RCAN1: variants seen among roughly 807,000 people sequenced by gnomAD.
The protein encoded by RCAN1 is regulator of calcineurin 1, also known as calcipressin-1.
In RCAN1, 11 loss-of-function variants were observed where a neutral mutation model predicts 22.9. The ratio of observed to expected loss-of-function variants is 0.48; its 90% confidence interval spans 0.30 to 0.79. RCAN1 has a LOEUF of 0.79. Ranked by LOEUF, RCAN1 falls within the 30% of genes least tolerant of loss-of-function variation. RCAN1 has a pLI of 0.06. For synonymous variants in RCAN1, 136 were observed against 142.3 expected (o/e 0.96, Z 0.32); for missense variants, 291 against 337.8 (o/e 0.86, Z 1.09).
intron 1 of RCAN1, among the ~76,000 whole-genome samples, chr21:34,549,708 C>T (rs8129311): frequency 0.23 from 34,450 of 152,122 alleles, 4,210 homozygotes; most frequent in African/African-American, 0.29. Context: ...AGGAGGAGGT[C>T]AGCAGCCTCA....
intron 1 of RCAN1, among the ~76,000 whole-genome samples, chr21:34,539,134 G>A (rs1043841574): frequency 3.9e-5 from 6 of 152,090 alleles, no homozygotes; most frequent in South Asian, 4.1e-4. Context: ...CTCAAATCCC[G>A]AATACTGACT....
intron 1 of RCAN1, among the ~76,000 whole-genome samples, chr21:34,535,883 A>C (rs1985645050): frequency 6.8e-6 from 1 of 148,122 alleles, no homozygotes; most frequent in African/African-American, 2.6e-5. Context: ...TAGAAACAAA[A>C]AAAAAATCCA....
intron 1 of RCAN1, among the ~76,000 whole-genome samples, chr21:34,601,381 G>A (rs1376260665): frequency 6.6e-6 from 1 of 152,210 alleles, no homozygotes; most frequent in African/African-American, 2.4e-5. Context: ...TAAGTGCAGA[G>A]AAGTTAAGTT....
At chr21:34,522,150 T>C (rs2123573888) in intron 2 of RCAN1, 1 of 149,460 alleles carries the variant, frequency 6.7e-6, no homozygotes, top group South Asian at 2.1e-4. Flanking sequence ...CAGCAGCAGC[T>C]CTGCACCTCC....
At chr21:34,578,702 G>A (rs2123694031) in intron 1 of RCAN1, among the ~76,000 whole-genome samples, 1 of 152,274 alleles carries the variant, frequency 6.6e-6, no homozygotes, top group South Asian at 2.1e-4. Flanking sequence ...TGAACTTTGT[G>A]GGTTCTCTAA....
chr21:34,559,489 T>A (rs1986711737), intron 1 of RCAN1: 1 of 152,168 alleles, frequency 6.6e-6, no homozygotes, highest in Admixed American at 6.5e-5. Flanking sequence ...GGTAATGGTC[T>A]AATAAGCCTA....
intron 1 of RCAN1, among the ~76,000 whole-genome samples, chr21:34,587,417 C>T (rs1233994567): frequency 6.6e-6 from 1 of 151,990 alleles, no homozygotes; most frequent in African/African-American, 2.4e-5. Flanking sequence ...AAAGGAGGGG[C>T]CCTTTCTACT....
At position 34,607,321 on chromosome 21, in the gene RCAN1, A is replaced by G. The variant is rs766067129; in HGVS notation, c.252+7439T>C. ...CTGAAGCTAAAAAGAAAAAAATCAGATTAGAAAAAAATCCTCTTTTTTTCC... is the reference window on the plus strand; with the variant it reads ...CTGAAGCTAAAAAGAAAAAAATCAGGTTAGAAAAAAATCCTCTTTTTTTCC... On this transcript the variant is annotated intron_variant, in intron 1 of 3. Coordinates refer to ENST00000313806, the MANE Select transcript of RCAN1 (RefSeq NM_004414.7). Among the ~76,000 whole-genome samples the G allele has an allele frequency of 3.3e-5, 5 of 152,278 alleles. No homozygotes were observed. In the South Asian group the frequency reaches 1.0e-3, roughly 32 times the overall value.
chr21:34,524,457 G>A (rs1984857622), intron 1 of RCAN1: 1 of 151,954 alleles, frequency 6.6e-6, no homozygotes. Context: ...TCAGGGCAGT[G>A]TTGCATATAT....
intron 1 of RCAN1, among the ~76,000 whole-genome samples, chr21:34,524,923 A>G (rs946168295): frequency 2.0e-5 from 3 of 152,124 alleles, no homozygotes; most frequent in Non-Finnish European, 2.9e-5. Context: ...TCCAAGGAAG[A>G]CTGCATGGGC....
intron 1 of RCAN1, among the ~76,000 whole-genome samples, chr21:34,558,224 C>A (rs1986655914): frequency 1.3e-5 from 2 of 152,182 alleles, no homozygotes; most frequent in African/African-American, 4.8e-5. Context: ...AGGTTCCCAT[C>A]ACCAAACCAC....
intron 1 of RCAN1, among the ~76,000 whole-genome samples, chr21:34,537,278 A>C (rs529623646): frequency 6.6e-6 from 1 of 152,368 alleles, no homozygotes; most frequent in South Asian, 2.1e-4. Context: ...AAATGTGGGC[A>C]CACATCTTTG....
intron 1 of RCAN1, among the ~76,000 whole-genome samples, chr21:34,599,518 G>C (rs1988266205): frequency 6.6e-6 from 1 of 152,164 alleles, no homozygotes; most frequent in African/African-American, 2.4e-5. Context: ...TCCACAACAT[G>C]TTAAAAAGCC....
intron 1 of RCAN1, among the ~76,000 whole-genome samples, chr21:34,552,013 CAGT>C (rs1164052980): frequency 6.6e-6 from 1 of 152,146 alleles, no homozygotes; most frequent in Non-Finnish European, 1.5e-5. Flanking sequence ...GTGGAAAGGC[CAGT>C]AGGACTCACG....
chr21:34,525,389 C>G, intron 1 of RCAN1: 1 of 1,446,984 alleles, frequency 6.9e-7, no homozygotes, highest in Non-Finnish European at 9.1e-7. Flanking sequence ...CGAAGGAACG[C>G]GGAGCTGGCG....
Position 34,588,071 on chromosome 21 carries a change from G to C in RCAN1, c.252+26689C>G, listed in dbSNP as rs576556904. Among the ~76,000 whole-genome samples, 7 of 152,266 alleles carry C rather than the reference G, an allele frequency of 4.6e-5. No homozygotes were observed. The South Asian group carries it at 1.5e-3, about 32-fold the overall frequency. ...TTTGGACTTGCCAGTCACTATAATT[G>C]TATGAGCCAATTTCTTAAAACAAAC... On this transcript the variant is annotated intron_variant, in intron 1 of 3. Transcript: ENST00000313806.
chr21:34,525,126 G>A (rs1275766455), intron 1 of RCAN1: 1 of 1,550,586 alleles, frequency 6.4e-7, no homozygotes, highest in East Asian at 2.4e-5. Context: ...CTCTGCAGTG[G>A]GAGCGAGGAT....
rs558833925 is a variant in RCAN1, at chr21:34,602,021, T to TGA, written c.252+12737_252+12738dup. On this transcript the variant is annotated intron_variant, in intron 1 of 3. Coordinates refer to ENST00000313806, the MANE Select transcript of RCAN1 (RefSeq NM_004414.7). Reference sequence around the variant, plus strand: ...GAAAAATAAGCAAAAAATTAAACATTGACCTAATATAAAACTGGTAACAAC... The same window carrying TGA: ...GAAAAATAAGCAAAAAATTAAACATTGAGACCTAATATAAAACTGGTAACAAC... Among the ~76,000 whole-genome samples, 10 of 152,124 alleles carry TGA rather than the reference T, an allele frequency of 6.6e-5. No homozygotes were observed. In the South Asian group the frequency reaches 1.9e-3, roughly 28 times the overall value.
intron 1 of RCAN1, among the ~76,000 whole-genome samples, chr21:34,565,082 T>A (rs1235477370): frequency 6.6e-6 from 1 of 152,052 alleles, no homozygotes; most frequent in African/African-American, 2.4e-5. Context: ...CATGGTGGCA[T>A]GCACCTGTGC....
Sources: gnomAD v4.1 joint callset for allele counts (sites outside exome capture counted in the v4.1 genomes callset) on GRCh38, gnomAD v4.1.1 for gene constraint, MANE v1.5 for transcripts, NCBI Gene and HGNC (gene_info 2026-07-23, HGNC 2026-07-21) for gene names.